EYS: variants seen among roughly 807,000 people sequenced by gnomAD.
EYS encodes EGF-like photoreceptor maintenance factor.
EYS carries 250 observed loss-of-function variants against 282.1 expected under a neutral mutation model. The ratio of observed to expected loss-of-function variants is 0.89; its 90% CI spans 0.80 to 0.98. The LOEUF is 0.98. Ranked by LOEUF, EYS falls within the 50% of genes least tolerant of loss-of-function variation. The probability of loss-of-function intolerance (pLI) is 0.00; values close to 1 mark genes in which losing one functional copy is unlikely to be tolerated. For missense variants in EYS, 4,016 were observed against 3,709.0 expected (o/e 1.08, Z -2.15); for synonymous variants, 1,355 against 1,282.9 (o/e 1.06, Z -1.20).
At chr6:64,430,356 G>T (rs1024454381) in intron 28 of EYS, among the ~76,000 whole-genome samples, 11 of 152,150 alleles carry the variant, frequency 7.2e-5, no homozygotes, top group African/African-American at 2.7e-4. Context: ...AGTACGCCGG[G>T]TGAATCCTGG....
At chr6:63,831,538 C>T (rs1178443169) in intron 36 of EYS, among the ~76,000 whole-genome samples, 1 of 152,018 alleles carries the variant, frequency 6.6e-6, no homozygotes, top group African/African-American at 2.4e-5. Flanking sequence ...ATATATGCAC[C>T]CAATACAGGA....
chr6:65,293,602 T>A (rs1247259347), intron 12 of EYS, among the ~76,000 whole-genome samples: 1 of 151,980 alleles, frequency 6.6e-6, no homozygotes, highest in South Asian at 2.1e-4. Context: ...TCCATACAAC[T>A]CCTCTTCATT....
chr6:63,877,543 C>A (rs186113981), intron 35 of EYS, among the ~76,000 whole-genome samples: 1 of 152,264 alleles, frequency 6.6e-6, no homozygotes, highest in African/African-American at 2.4e-5. Flanking sequence ...GGAAGTTCTC[C>A]TGGATAATAT....
intron 1 of EYS, among the ~76,000 whole-genome samples, chr6:65,694,878 G>A (rs1319456182): frequency 2.0e-5 from 3 of 151,742 alleles, no homozygotes; most frequent in South Asian, 2.1e-4. Flanking sequence ...CTCAAGAAAA[G>A]ACAGTATTGC....
intron 30 of EYS, among the ~76,000 whole-genome samples, chr6:64,243,126 T>A (rs1766890762): frequency 6.6e-6 from 1 of 150,802 alleles, no homozygotes; most frequent in Admixed American, 6.6e-5. Flanking sequence ...AATCTCCAAC[T>A]AAATAAAAGC....
At chr6:64,068,806 T>A (rs183470654) in intron 32 of EYS, among the ~76,000 whole-genome samples, 1 of 152,274 alleles carries the variant, frequency 6.6e-6, no homozygotes, top group Non-Finnish European at 1.5e-5. Context: ...AGCTGAATTA[T>A]GACACTCAAA....
chr6:64,919,691 T>C (rs1583294157), intron 15 of EYS, among the ~76,000 whole-genome samples: 1 of 152,166 alleles, frequency 6.6e-6, no homozygotes, highest in East Asian at 1.9e-4. Flanking sequence ...GATATAATTC[T>C]CTTCAAATTA....
intron 26 of EYS, among the ~76,000 whole-genome samples, chr6:64,493,491 G>T (rs1776796222): frequency 6.6e-6 from 1 of 151,476 alleles, no homozygotes; most frequent in Non-Finnish European, 1.5e-5. Context: ...TCGTTAAAAG[G>T]AAATGTTATT....
chr6:65,275,176 A>G (rs1199114090), intron 12 of EYS, among the ~76,000 whole-genome samples: 2 of 152,140 alleles, frequency 1.3e-5, no homozygotes, highest in Non-Finnish European at 2.9e-5. Context: ...ATAGGTTCCT[A>G]TAGGTAAATC....
intron 13 of EYS, among the ~76,000 whole-genome samples, chr6:65,024,621 A>G (rs1479425251): frequency 1.4e-5 from 2 of 146,060 alleles, no homozygotes; most frequent in Non-Finnish European, 3.0e-5. Context: ...TATATAAATA[A>G]ATTCCATTTT....
At chr6:64,270,155 C>A (rs1157612107) in intron 30 of EYS, among the ~76,000 whole-genome samples, 1 of 152,022 alleles carries the variant, frequency 6.6e-6, no homozygotes, top group African/African-American at 2.4e-5. Flanking sequence ...TCAATTCAAC[C>A]ATTTTTAAAA....
Position 63,864,218 on chromosome 6 carries a change from G to T in EYS, c.7196C>A (p.Pro2399Gln), listed in dbSNP as rs1039847648. The change falls in exon 36 of 43, where the codon CCA (proline) becomes CAA (glutamine). Residue 2399 changes from proline (P) to glutamine (Q), a missense_variant. Transcript: ENST00000503581. ...KSGTDIVCLC[P>Q]YGRSGPLCTD... ...GCAGAGGGGTCCAGACCTCCCATATGGGCAGAGGCAGACAATATCTGTTCC... is the reference window on the plus strand; with the variant it reads ...GCAGAGGGGTCCAGACCTCCCATATTGGCAGAGGCAGACAATATCTGTTCC... 1 of 1,547,850 alleles carries T rather than the reference G, an allele frequency of 6.5e-7. No individual in the cohort carries two copies. The highest frequency in any genetic ancestry group is 8.7e-7 in the Non-Finnish European group (1 of 1,144,452).
intron 26 of EYS, among the ~76,000 whole-genome samples, chr6:64,560,251 T>C (rs1439259066): frequency 6.6e-6 from 1 of 151,940 alleles, no homozygotes; most frequent in Non-Finnish European, 1.5e-5. Context: ...TTATGATGTG[T>C]AGAAATTTAT....
At chr6:65,376,901 G>A (rs373012624) in intron 8 of EYS, among the ~76,000 whole-genome samples, 5 of 152,142 alleles carry the variant, frequency 3.3e-5, no homozygotes, top group South Asian at 2.1e-4. Context: ...ACAAAGAGAC[G>A]TAGACTCCCT....
chr6:64,070,022 A>G (rs1463644033), intron 32 of EYS, among the ~76,000 whole-genome samples: 1 of 152,094 alleles, frequency 6.6e-6, no homozygotes, highest in Non-Finnish European at 1.5e-5. Context: ...TCTGTGTTCA[A>G]TCTGTTGTGA....
At chr6:65,168,322 A>G (rs1458347984) in intron 12 of EYS, among the ~76,000 whole-genome samples, 1 of 151,272 alleles carries the variant, frequency 6.6e-6, no homozygotes, top group Admixed American at 6.6e-5. Context: ...GTAGTTCATG[A>G]GTCTTAGTCG....
At chr6:64,706,207 A>G (rs889545186) in intron 22 of EYS, among the ~76,000 whole-genome samples, 1 of 152,086 alleles carries the variant, frequency 6.6e-6, no homozygotes, top group African/African-American at 2.4e-5. Context: ...GCAAACAAAA[A>G]CATTAAGTGG....
At chr6:65,625,354 T>C (rs1206740419) in intron 2 of EYS, among the ~76,000 whole-genome samples, 1 of 152,210 alleles carries the variant, frequency 6.6e-6, no homozygotes, top group African/African-American at 2.4e-5. Flanking sequence ...AGATAATCTA[T>C]TTGTGTTGTT....
intron 31 of EYS, among the ~76,000 whole-genome samples, chr6:64,188,787 G>T (rs1765020459): frequency 6.6e-6 from 1 of 152,106 alleles, no homozygotes; most frequent in Non-Finnish European, 1.5e-5. Flanking sequence ...GTGTATGCGT[G>T]CACATGTACA....
Sources: gnomAD v4.1 joint callset for allele counts (sites outside exome capture counted in the v4.1 genomes callset) on GRCh38, gnomAD v4.1.1 for gene constraint, MANE v1.5 for transcripts, NCBI Gene and HGNC (gene_info 2026-07-23, HGNC 2026-07-21) for gene names.